VWC2: variants seen among roughly 807,000 people sequenced by gnomAD.
VWC2 encodes the protein brorin.
VWC2 carries 14 observed loss-of-function variants against 29.8 expected under a neutral mutation model. The ratio of observed to expected loss-of-function variants is 0.47; its 90% CI spans 0.31 to 0.74. The LOEUF (loss-of-function observed/expected upper bound fraction) is 0.74. Ranked by LOEUF, VWC2 falls within the 30% of genes least tolerant of loss-of-function variation. The probability of loss-of-function intolerance (pLI) is 0.05; values close to 1 mark genes in which losing one functional copy is unlikely to be tolerated. For synonymous variants in VWC2, 213 were observed against 199.0 expected (o/e 1.07, Z -0.59); for missense variants, 457 against 459.8 (o/e 0.99, Z 0.05).
intron 2 of VWC2, among the ~76,000 whole-genome samples, chr7:49,778,967 G>C (rs1012066508): frequency 1.3e-4 from 20 of 152,320 alleles, no homozygotes; most frequent in African/African-American, 4.6e-4. Context: ...AAGTGAAAGT[G>C]AGATTATTTG....
chr7:49,781,774 A>G (rs1788183740), intron 2 of VWC2, among the ~76,000 whole-genome samples: 1 of 152,220 alleles, frequency 6.6e-6, no homozygotes, highest in Non-Finnish European at 1.5e-5. Context: ...CACTTGGCTA[A>G]GCATTTATTT....
At chr7:49,847,621 C>T (rs910925007) in intron 3 of VWC2, among the ~76,000 whole-genome samples, 1 of 152,154 alleles carries the variant, frequency 6.6e-6, no homozygotes, top group Non-Finnish European at 1.5e-5. Flanking sequence ...GAGGAACACA[C>T]AGGGGCACGC....
At chr7:49,832,656 T>C (rs1240829234) in intron 3 of VWC2, among the ~76,000 whole-genome samples, 2 of 152,224 alleles carry the variant, frequency 1.3e-5, no homozygotes, top group Non-Finnish European at 2.9e-5. Flanking sequence ...CCATGGCACT[T>C]AGCACAAGTC....
intron 2 of VWC2, among the ~76,000 whole-genome samples, chr7:49,799,344 A>C (rs1040598508): frequency 3.9e-5 from 6 of 152,242 alleles, no homozygotes; most frequent in Non-Finnish European, 8.8e-5. Context: ...GATCCTGGGT[A>C]GGGGTCCCGG....
chr7:49,854,299 C>T (rs1790324585), intron 3 of VWC2, among the ~76,000 whole-genome samples: 1 of 152,202 alleles, frequency 6.6e-6, no homozygotes. Context: ...CACTCTTCCA[C>T]AATGGTTGAA....
intron 3 of VWC2, among the ~76,000 whole-genome samples, chr7:49,902,036 TTAAAA>T: frequency 6.6e-6 from 1 of 151,990 alleles, no homozygotes; most frequent in East Asian, 1.9e-4. Flanking sequence ...AAAAATTAAC[TTAAAA>T]TAGATTATAT....
At chr7:49,778,968 A>C (rs1342043793) in intron 2 of VWC2, among the ~76,000 whole-genome samples, 1 of 152,166 alleles carries the variant, frequency 6.6e-6, no homozygotes, top group Admixed American at 6.5e-5. Context: ...AGTGAAAGTG[A>C]GATTATTTGG....
intron 3 of VWC2, among the ~76,000 whole-genome samples, chr7:49,846,956 A>G (rs1014459902): frequency 1.3e-5 from 2 of 152,232 alleles, no homozygotes; most frequent in Non-Finnish European, 2.9e-5. Context: ...GACAGATTGC[A>G]TATGTGAATT....
chr7:49,877,479 AAAATATATATATAT>A (rs1791470079), intron 3 of VWC2, among the ~76,000 whole-genome samples: 2 of 12,746 alleles, frequency 1.6e-4, no homozygotes, highest in Admixed American at 9.5e-4. Context: ...AAAAAAAAAA[AAAATATATATATAT>A]ATATATATAT....
chr7:49,831,094 G>C (rs894436096), intron 3 of VWC2, among the ~76,000 whole-genome samples: 2 of 152,114 alleles, frequency 1.3e-5, no homozygotes, highest in South Asian at 2.1e-4. Context: ...ATCTAAGGTG[G>C]TAATCACTCT....
intron 3 of VWC2, among the ~76,000 whole-genome samples, chr7:49,902,533 T>C (rs1792817058): frequency 7.4e-6 from 1 of 134,644 alleles, no homozygotes; most frequent in Non-Finnish European, 1.6e-5. Flanking sequence ...AATGACACTG[T>C]AACAATTGGA....
chr7:49,830,639 G>C (rs891352494), intron 3 of VWC2, among the ~76,000 whole-genome samples: 2 of 152,018 alleles, frequency 1.3e-5, no homozygotes, highest in Non-Finnish European at 2.9e-5. Context: ...ATTTACATTA[G>C]GTATATCTCC....
intron 2 of VWC2, among the ~76,000 whole-genome samples, chr7:49,791,727 C>G (rs1788466188): frequency 6.6e-6 from 1 of 152,208 alleles, no homozygotes; most frequent in Admixed American, 6.5e-5. Flanking sequence ...ATTCCATCCT[C>G]CTCCCTCGGG....
At chr7:49,884,374 G>A (rs146458188) in intron 3 of VWC2, among the ~76,000 whole-genome samples, 39 of 152,276 alleles carry the variant, frequency 2.6e-4, no homozygotes, top group African/African-American at 8.9e-4. Flanking sequence ...TGCTACAGCC[G>A]AGGAGAACAG....
Position 49,776,022 on chromosome 7 carries a change from A to G in VWC2, c.587A>G (p.His196Arg). The change falls in exon 2 of 4, where the codon CAC becomes CGC. Residue 196 changes from histidine to arginine, a missense_variant. Transcript: ENST00000340652. ...GCGCAGCCCGAGTGCCCGAGGCTGC[A>G]CCCGCGCTGCATCCACGTCGACACG... Reference protein sequence around the residue: ...LCAQPECPRLHPRCIHVDTSQ... With the variant: ...LCAQPECPRLRPRCIHVDTSQ... 1 of 1,544,942 alleles carries G rather than the reference A, an allele frequency of 6.5e-7. No individual in the cohort carries two copies. Among genetic ancestry groups the G allele is most frequent in the Non-Finnish European group, 8.7e-7 (1 of 1,150,294 alleles).
chr7:49,846,556 A>T lies in VWC2; in HGVS notation c.826+43716A>T, dbSNP rs563590012. ...GACAGTGATGAGCTCAAGGCTTATC[A>T]CTGTAGAAAGCCTTGTGGGCTAAGA... On this transcript the variant is annotated intron_variant, in intron 3 of 3. Transcript: ENST00000340652. 3.9e-5 allele frequency among the ~76,000 whole-genome samples: 6 copies of T among 152,258 alleles called. No homozygotes were observed. The South Asian group carries it at 1.2e-3, about 32-fold the overall frequency.
chr7:49,847,518 G>A (rs926410546), intron 3 of VWC2, among the ~76,000 whole-genome samples: 1 of 151,972 alleles, frequency 6.6e-6, no homozygotes, highest in African/African-American at 2.4e-5. Flanking sequence ...TTTATTATTG[G>A]GTATGGTAAG....
chr7:49,907,077 A>C (rs1482931619), intron 3 of VWC2, among the ~76,000 whole-genome samples: 1 of 152,314 alleles, frequency 6.6e-6, no homozygotes, highest in African/African-American at 2.4e-5. Flanking sequence ...CTGTGTATGG[A>C]TGTGGAGTGA....
chr7:49,780,731 T>C (rs1486078972), intron 2 of VWC2, among the ~76,000 whole-genome samples: 1 of 152,148 alleles, frequency 6.6e-6, no homozygotes, highest in African/African-American at 2.4e-5. Context: ...TATTAATAAG[T>C]GAAGCTTACT....
Sources: gnomAD v4.1 joint callset for allele counts (sites outside exome capture counted in the v4.1 genomes callset) on GRCh38, gnomAD v4.1.1 for gene constraint, MANE v1.5 for transcripts, NCBI Gene and HGNC (gene_info 2026-07-23, HGNC 2026-07-21) for gene names.